Variants in PRKD3 observed in about 807,000 individuals in gnomAD.
PRKD3 encodes the protein serine/threonine-protein kinase D3.
A neutral mutation model predicts 99.2 loss-of-function variants in PRKD3; 47 were observed. The observed-to-expected ratio is 0.47, with a 90% CI of 0.38 to 0.60. The LOEUF is 0.60. Ranked by LOEUF, PRKD3 falls within the 20% of genes least tolerant of loss-of-function variation. The pLI is 0.00. For synonymous variants in PRKD3, 392 were observed against 355.4 expected (o/e 1.10, Z -1.16); for missense variants, 1,019 against 1,088.4 (o/e 0.94, Z 0.90).
In PRKD3 at chr2:37,250,975, CAACA is replaced by C. The variant is rs1413945470; in HGVS notation, c.*2198_*2201del. Reference sequence around the variant, plus strand: ...TTTAGAAAACTTCTTAGGCATTTAACAACAAATACAAAGAGTGCAATTAATTTCA... The same window carrying C: ...TTTAGAAAACTTCTTAGGCATTTAACAATACAAAGAGTGCAATTAATTTCA... On this transcript the variant is annotated 3_prime_UTR_variant, in exon 19 of 19. Transcript: ENST00000234179. 1 of 152,566 alleles carries C rather than the reference CAACA, an allele frequency of 6.6e-6. No homozygotes were observed. The highest frequency in any genetic ancestry group is 2.4e-5 in the African/African-American group (1 of 41,430). The allele number at this position is 152,566 out of a possible 1,614,324, so 9.5% of individuals were successfully genotyped here.
At position 37,259,670 on chromosome 2, in the gene PRKD3, A is replaced by C; in HGVS notation, c.2058T>G (p.Ala686=). The change falls in exon 16 of 19, where the codon GCT becomes GCG. Residue 686 remains alanine (A), a synonymous_variant. Transcript: ENST00000234179. ...TKFMVTQILV[A]LRNLHFKNIV... ...TATTCTTAAAATGCAGATTCCTCAA[A>C]GCAACAAGTATCTGTTATGAAAAAA... is the stretch of plus-strand genomic sequence containing the variant. 6.2e-7 allele frequency: 1 copy of C among 1,609,954 alleles called. No homozygotes were observed. Among genetic ancestry groups the C allele is most frequent in the Non-Finnish European group, 8.5e-7 (1 of 1,176,606 alleles).
intron 5 of PRKD3, among the ~76,000 whole-genome samples, chr2:37,287,222 C>T (rs1670141822): frequency 1.3e-5 from 1 of 77,432 alleles, no homozygotes; most frequent in East Asian, 4.4e-4. Context: ...AAGAGCGAAA[C>T]TCCATCTCAA....
chr2:37,260,168 A>G (rs1288126954), intron 15 of PRKD3, 55 bp downstream of exon 15: 1 of 1,504,120 alleles, frequency 6.6e-7, no homozygotes, highest in Non-Finnish European at 9.1e-7. Context: ...TTGTCTTAAA[A>G]AAAAAAAAAT....
At chr2:37,281,089 C>A (rs997725980) in intron 7 of PRKD3, among the ~76,000 whole-genome samples, 2 of 151,980 alleles carry the variant, frequency 1.3e-5, no homozygotes, top group Admixed American at 6.6e-5. Flanking sequence ...TGGTTGTAAT[C>A]AAAAAGATAT....
Position 37,272,377 on chromosome 2 carries a change from T to G in PRKD3, c.1704+3A>C, listed in dbSNP as rs1301314708. On this transcript the variant is annotated splice_donor_region_variant and intron_variant, in intron 12 of 18. Transcript: ENST00000234179. ...TTACACATTAGCTATAACGATTACT[T>G]ACCACATTCTCCTGAATCTGACAAT... The G allele has an allele frequency of 3.1e-6, 5 of 1,605,638 alleles. No homozygotes were observed. The highest frequency in any genetic ancestry group is 4.2e-6 in the Non-Finnish European group (5 of 1,177,686).
At chr2:37,306,942 T>C (rs1671195697) in intron 2 of PRKD3, among the ~76,000 whole-genome samples, 1 of 152,252 alleles carries the variant, frequency 6.6e-6, no homozygotes, top group African/African-American at 2.4e-5. Context: ...ACAATGGTAC[T>C]AAAAGAGAGA....
At chr2:37,323,771 A>G (rs899411733) in intron 1 of PRKD3, among the ~76,000 whole-genome samples, 19 of 152,232 alleles carry the variant, frequency 1.2e-4, no homozygotes, top group African/African-American at 4.1e-4. Context: ...GTCTCATAAA[A>G]GCTGTGTCGC....
rs755212475 is a variant in PRKD3, at chr2:37,286,379, A to G, written c.718-10T>C. Reference sequence around the variant, plus strand: ...CCTGGTGGACATGTGACTATAACATAAGTAATTTTCATAAGTGTAAGTCAA... The same window carrying G: ...CCTGGTGGACATGTGACTATAACATGAGTAATTTTCATAAGTGTAAGTCAA... On this transcript the variant is annotated splice_polypyrimidine_tract_variant and intron_variant, in intron 5 of 18. Coordinates refer to ENST00000234179, the MANE Select transcript of PRKD3 (RefSeq NM_005813.6). The G allele has an allele frequency of 1.2e-6, 2 of 1,610,048 alleles. No individual in the cohort carries two copies. The highest frequency in any genetic ancestry group is 3.3e-5 in the Admixed American group (2 of 59,940).
At chr2:37,272,733 A>T (rs1010963930) in intron 11 of PRKD3, among the ~76,000 whole-genome samples, 3 of 152,206 alleles carry the variant, frequency 2.0e-5, no homozygotes, top group Non-Finnish European at 4.4e-5. Flanking sequence ...TTTTACTGTA[A>T]TCCCAGTGCA....
At chr2:37,319,271 G>T (rs1230941889) in intron 1 of PRKD3, among the ~76,000 whole-genome samples, 1 of 152,194 alleles carries the variant, frequency 6.6e-6, no homozygotes, top group Non-Finnish European at 1.5e-5. Flanking sequence ...AATGTTACTG[G>T]AGTGTGGGTT....
At chr2:37,300,786 C>A (rs140948184) in intron 2 of PRKD3, among the ~76,000 whole-genome samples, 119 of 152,240 alleles carry the variant, frequency 7.8e-4, no homozygotes, top group African/African-American at 2.8e-3. Flanking sequence ...TATCTTTTCC[C>A]ACTTTTTGAG....
chr2:37,319,756 T>A (rs1368899563), intron 1 of PRKD3, among the ~76,000 whole-genome samples: 3 of 148,380 alleles, frequency 2.0e-5, no homozygotes, highest in Admixed American at 2.0e-4. Flanking sequence ...CATACTGATT[T>A]AAAAAAAAAA....
intron 7 of PRKD3, among the ~76,000 whole-genome samples, chr2:37,280,131 A>G (rs960344312): frequency 2.1e-5 from 3 of 141,906 alleles, no homozygotes; most frequent in African/African-American, 5.3e-5. Flanking sequence ...TGCAACCTCT[A>G]CCTCCTGGGT....
chr2:37,251,983 A>G lies in PRKD3; in HGVS notation c.*1194T>C, dbSNP rs549605993. The G allele has an allele frequency of 6.6e-6, 1 of 152,310 alleles. No individual in the cohort carries two copies. The highest frequency in any genetic ancestry group is 1.9e-4 in the East Asian group (1 of 5,192). The allele number at this position is 152,310 out of a possible 1,614,324, so 9.4% of individuals were successfully genotyped here. On this transcript the variant is annotated 3_prime_UTR_variant, in exon 19 of 19. Coordinates refer to ENST00000234179, the MANE Select transcript of PRKD3 (RefSeq NM_005813.6). ...TCTTAAACTTTGGGGAAGATATTTA[A>G]AAATATTTTTTAAATAGCTGGCTGC...
chr2:37,300,156 T>A (rs1670857374), intron 2 of PRKD3, among the ~76,000 whole-genome samples: 1 of 152,078 alleles, frequency 6.6e-6, no homozygotes, highest in South Asian at 2.1e-4. Flanking sequence ...ACAGAAAATG[T>A]GATACACATA....
intron 2 of PRKD3, among the ~76,000 whole-genome samples, chr2:37,305,643 A>C (rs1433925928): frequency 6.6e-6 from 1 of 152,226 alleles, no homozygotes; most frequent in Non-Finnish European, 1.5e-5. Context: ...AGGCCCTTTA[A>C]TAAGATAAAC....
At position 37,317,104 on chromosome 2, in the gene PRKD3, T is replaced by A; in HGVS notation, c.-580A>T. On this transcript the variant is annotated 5_prime_UTR_variant, in exon 2 of 19. It introduces an in-frame stop codon into an upstream open reading frame of the 5' UTR. Coordinates refer to ENST00000234179, the MANE Select transcript of PRKD3 (RefSeq NM_005813.6). Reference sequence around the variant, plus strand: ...TTCTATGACGAAATACAAAGCTTTTTAAAATAGTACAGGCATATTTCATTA... The same window carrying A: ...TTCTATGACGAAATACAAAGCTTTTAAAAATAGTACAGGCATATTTCATTA... 3.0e-6 allele frequency: 3 copies of A among 985,516 alleles called. No individual in the cohort carries two copies. The highest frequency in any genetic ancestry group is 1.1e-4 in the East Asian group (1 of 8,822). 61.0% of individuals were successfully genotyped at this position (985,516 alleles called of 1,614,324 possible).
intron 8 of PRKD3, chr2:37,278,220 G>T: frequency 4.1e-6 from 1 of 242,942 alleles, no homozygotes; most frequent in Non-Finnish European, 7.8e-6. Flanking sequence ...TTTCTGGAGG[G>T]CCACAAAAAA....
At chr2:37,263,355 A>G (rs748066621) in intron 14 of PRKD3, among the ~76,000 whole-genome samples, 10 of 152,204 alleles carry the variant, frequency 6.6e-5, no homozygotes, top group Non-Finnish European at 1.3e-4. Context: ...GAGATCAAAG[A>G]ATACTGTTTA....
Sources: allele counts gnomAD v4.1 joint callset (sites outside exome capture counted in the v4.1 genomes callset), GRCh38; gene constraint gnomAD v4.1.1; transcripts MANE v1.5; gene names NCBI Gene and HGNC (gene_info 2026-07-23, HGNC 2026-07-21).